Variants in PLPPR1 observed in about 807,000 individuals in gnomAD.
PLPPR1 encodes the protein phospholipid phosphatase related 1, also known as phospholipid phosphatase-related protein type 1.
In PLPPR1, 10 loss-of-function variants were observed where a neutral mutation model predicts 33.1. The observed-to-expected ratio is 0.30, with a 90% confidence interval of 0.19 to 0.51. PLPPR1 has a LOEUF of 0.51. Among genes scored for constraint, PLPPR1 ranks in the 20% least tolerant of loss-of-function variants. The pLI is 0.97. For synonymous variants in PLPPR1, 151 were observed against 151.0 expected, an observed-to-expected ratio of 1.00 and a Z score of 0.00; for missense variants, 304 against 408.1, an observed-to-expected ratio of 0.74 and a Z score of 2.20.
chr9:101,208,812 A>C (rs918664042), intron 2 of PLPPR1, among the ~76,000 whole-genome samples: 1 of 152,236 alleles, frequency 6.6e-6, no homozygotes, highest in African/African-American at 2.4e-5. Flanking sequence ...TTACAGAGAC[A>C]GATCATACTG....
At chr9:101,201,579 T>C (rs1302024329) in intron 2 of PLPPR1, among the ~76,000 whole-genome samples, 1 of 152,186 alleles carries the variant, frequency 6.6e-6, no homozygotes, top group Admixed American at 6.5e-5. Context: ...AAGGTAATAA[T>C]GATAATACCT....
At chr9:101,171,963 T>A (rs1320971424) in intron 1 of PLPPR1, among the ~76,000 whole-genome samples, 2 of 124,716 alleles carry the variant, frequency 1.6e-5, no homozygotes, top group Non-Finnish European at 3.6e-5. Flanking sequence ...TGATGAAATG[T>A]AACTCTCACG....
At chr9:101,321,317 G>A (rs983224250) in intron 7 of PLPPR1, among the ~76,000 whole-genome samples, 5 of 152,152 alleles carry the variant, frequency 3.3e-5, no homozygotes, top group African/African-American at 1.2e-4. Flanking sequence ...GCAGCCCTCA[G>A]AGCCACAGTG....
At chr9:101,143,294 A>C (rs1831477340) in intron 1 of PLPPR1, among the ~76,000 whole-genome samples, 1 of 152,144 alleles carries the variant, frequency 6.6e-6, no homozygotes, top group Non-Finnish European at 1.5e-5. Flanking sequence ...CTGCCTCTTC[A>C]TCCTTCATGT....
intron 6 of PLPPR1, among the ~76,000 whole-genome samples, chr9:101,316,232 C>T (rs546837585): frequency 1.2e-4 from 18 of 152,110 alleles, no homozygotes; most frequent in East Asian, 5.8e-4. Flanking sequence ...GTCAGGAGAT[C>T]GAGACCATCC....
intron 1 of PLPPR1, among the ~76,000 whole-genome samples, chr9:101,120,070 G>C (rs1831160123): frequency 6.6e-6 from 1 of 152,286 alleles, no homozygotes; most frequent in East Asian, 1.9e-4. Context: ...AACAGGTCTT[G>C]GGATTCTTTC....
Position 101,123,175 on chromosome 9 carries a change from A to C in PLPPR1, c.-45-62275A>C, listed in dbSNP as rs9792593. Among the ~76,000 whole-genome samples the C allele has an allele frequency of 4.1e-4, 62 of 151,536 alleles. No homozygotes were observed. In the East Asian group the frequency reaches 0.011, roughly 27 times the overall value. ...CTCTCAAATTGATACCAAACATTAAAAATCTGAAAGTCCTCCCAAATTAGG... is the reference window on the plus strand; with the variant it reads ...CTCTCAAATTGATACCAAACATTAACAATCTGAAAGTCCTCCCAAATTAGG... On this transcript the variant is annotated intron_variant, in intron 1 of 7. Transcript: ENST00000374874.
intron 1 of PLPPR1, among the ~76,000 whole-genome samples, chr9:101,032,801 C>T (rs560178789): frequency 3.6e-4 from 55 of 152,184 alleles, no homozygotes; most frequent in African/African-American, 1.3e-3. Flanking sequence ...CTCAGCTGCC[C>T]CTATGAAGAA....
At chr9:101,207,325 G>T (rs1190642695) in intron 2 of PLPPR1, among the ~76,000 whole-genome samples, 1 of 152,126 alleles carries the variant, frequency 6.6e-6, no homozygotes, top group African/African-American at 2.4e-5. Context: ...CAGATTACCT[G>T]CAGTATTATT....
intron 1 of PLPPR1, among the ~76,000 whole-genome samples, chr9:101,160,006 G>A (rs1203382868): frequency 6.6e-6 from 1 of 152,194 alleles, no homozygotes; most frequent in South Asian, 2.1e-4. Flanking sequence ...TTTGATGGCA[G>A]TGATAGCATT....
chr9:101,167,758 C>T (rs1434278660), intron 1 of PLPPR1, among the ~76,000 whole-genome samples: 4 of 152,160 alleles, frequency 2.6e-5, no homozygotes, highest in Non-Finnish European at 5.9e-5. Flanking sequence ...TCTACCTCTC[C>T]TCCCTGCTCA....
At chr9:101,213,203 C>T (rs1021665721) in intron 2 of PLPPR1, among the ~76,000 whole-genome samples, 1 of 152,126 alleles carries the variant, frequency 6.6e-6, no homozygotes, top group Non-Finnish European at 1.5e-5. Flanking sequence ...CATTCTTCTA[C>T]AGTTTATCAG....
At position 101,086,341 on chromosome 9, in the gene PLPPR1, A is replaced by T. The variant is rs1830675611; in HGVS notation, c.-46+57239A>T. Reference sequence around the variant, plus strand: ...GAAGGTAAACGGTGATATATGTCTGACAAAATCTCAGCCAATCTGTCAGGG... The same window carrying T: ...GAAGGTAAACGGTGATATATGTCTGTCAAAATCTCAGCCAATCTGTCAGGG... On this transcript the variant is annotated intron_variant, in intron 1 of 7. Transcript: ENST00000374874. 2.6e-5 allele frequency among the ~76,000 whole-genome samples: 4 copies of T among 152,156 alleles called. No homozygotes were observed. In the South Asian group the frequency reaches 8.3e-4, roughly 32 times the overall value.
intron 3 of PLPPR1, among the ~76,000 whole-genome samples, chr9:101,274,502 C>T (rs928207738): frequency 1.3e-5 from 2 of 152,186 alleles, no homozygotes; most frequent in African/African-American, 2.4e-5. Context: ...CAAAGAGCAG[C>T]GTGGCCTTGC....
chr9:101,246,081 T>TGA (rs1827598995), intron 2 of PLPPR1, among the ~76,000 whole-genome samples: 2 of 110,102 alleles, frequency 1.8e-5, no homozygotes, highest in Non-Finnish European at 3.6e-5. Context: ...TATATATATA[T>TGA]ATATATATAT....
chr9:101,156,905 T>C (rs1831703160), intron 1 of PLPPR1, among the ~76,000 whole-genome samples: 1 of 119,340 alleles, frequency 8.4e-6, no homozygotes. Flanking sequence ...ATAATAAAGG[T>C]CCCTATATGA....
chr9:101,236,704 T>C (rs1377731525), intron 2 of PLPPR1, among the ~76,000 whole-genome samples: 2 of 151,894 alleles, frequency 1.3e-5, no homozygotes, highest in South Asian at 4.1e-4. Context: ...CAAATCAGGA[T>C]AATTAGCAAA....
chr9:101,232,666 C>G (rs550690618), intron 2 of PLPPR1, among the ~76,000 whole-genome samples: 1 of 152,042 alleles, frequency 6.6e-6, no homozygotes, highest in African/African-American at 2.4e-5. Flanking sequence ...AATCACATCC[C>G]TAGTTGCCTG....
At chr9:101,218,128 C>T (rs912012029) in intron 2 of PLPPR1, among the ~76,000 whole-genome samples, 2 of 151,976 alleles carry the variant, frequency 1.3e-5, no homozygotes, top group African/African-American at 4.8e-5. Context: ...AATTCAAGTA[C>T]GATCTATCAA....
Sources: allele counts gnomAD v4.1 joint callset (sites outside exome capture counted in the v4.1 genomes callset), GRCh38; gene constraint gnomAD v4.1.1; transcripts MANE v1.5; gene names NCBI Gene and HGNC (gene_info 2026-07-23, HGNC 2026-07-21).